Variants in DOCK10 observed in about 807,000 individuals in gnomAD.
The protein encoded by DOCK10 is dedicator of cytokinesis protein 10.
A neutral mutation model predicts 280.1 loss-of-function variants in DOCK10; 145 were observed. That is an observed-to-expected ratio of 0.52 (90% CI 0.45 to 0.59). The LOEUF (loss-of-function observed/expected upper bound fraction) is 0.59. Among genes scored for constraint, DOCK10 ranks in the 20% least tolerant of loss-of-function variants. DOCK10 has a pLI of 0.00. For synonymous variants in DOCK10, 915 were observed against 942.2 expected, an observed-to-expected ratio of 0.97 and a Z score of 0.53; for missense variants, 2,368 against 2,651.7, an observed-to-expected ratio of 0.89 and a Z score of 2.35.
chr2:224,857,384 C>T (rs139247495), intron 14 of DOCK10, among the ~76,000 whole-genome samples: 32 of 152,214 alleles, frequency 2.1e-4, no homozygotes, highest in Admixed American at 1.5e-3. Flanking sequence ...CTAGGATTTA[C>T]GAGTGGTGGA....
intron 29 of DOCK10, among the ~76,000 whole-genome samples, chr2:224,818,207 A>G (rs1326796620): frequency 1.3e-5 from 2 of 152,148 alleles, no homozygotes; most frequent in Admixed American, 6.5e-5. Flanking sequence ...CATATATACA[A>G]TGGTGGTTCC....
At chr2:224,771,179 C>G (rs1690418899) in intron 53 of DOCK10, among the ~76,000 whole-genome samples, 1 of 152,120 alleles carries the variant, frequency 6.6e-6, no homozygotes, top group Admixed American at 6.5e-5. Flanking sequence ...AACTCTTGGC[C>G]TCAAGCAATC....
intron 3 of DOCK10, 95 bp from the exon 4 acceptor site, chr2:224,896,472 T>A (rs1007369993): frequency 1.4e-6 from 1 of 708,200 alleles, no homozygotes; most frequent in South Asian, 2.1e-5. Flanking sequence ...ACTTTGAGAG[T>A]CTGAGGCGGG....
intron 1 of DOCK10, among the ~76,000 whole-genome samples, chr2:224,966,649 G>C (rs1704759233): frequency 1.3e-5 from 2 of 152,136 alleles, no homozygotes; most frequent in Admixed American, 1.3e-4. Context: ...AACCTCAGTT[G>C]TTATCACACA....
intron 1 of DOCK10, chr2:224,982,392 A>G: frequency 8.1e-7 from 1 of 1,231,688 alleles, no homozygotes; most frequent in Non-Finnish European, 1.0e-6. Context: ...AGCCTACAAA[A>G]TAACTTCTAT....
intron 47 of DOCK10, among the ~76,000 whole-genome samples, chr2:224,791,553 C>G (rs561579898): frequency 1.3e-5 from 2 of 151,922 alleles, no homozygotes; most frequent in African/African-American, 4.8e-5. Flanking sequence ...CAACCTCCAC[C>G]TCCTGGGTTC....
At chr2:224,910,299 ACT>A (rs1308389142) in intron 3 of DOCK10, among the ~76,000 whole-genome samples, 1 of 152,198 alleles carries the variant, frequency 6.6e-6, no homozygotes, top group Non-Finnish European at 1.5e-5. Context: ...TGGCCCACTG[ACT>A]GTATGCATCA....
At chr2:224,947,344 C>G (rs1466375181) in intron 1 of DOCK10, among the ~76,000 whole-genome samples, 1 of 152,176 alleles carries the variant, frequency 6.6e-6, no homozygotes, top group African/African-American at 2.4e-5. Context: ...AACAGCCACC[C>G]AAACTTTATA....
chr2:224,876,328 A>G, intron 7 of DOCK10, 107 bp from the exon 8 acceptor site: 1 of 989,738 alleles, frequency 1.0e-6, no homozygotes, highest in Non-Finnish European at 1.4e-6. Flanking sequence ...CCATACAGAT[A>G]GATAACATAA....
At chr2:224,958,978 C>A (rs1311827551) in intron 1 of DOCK10, among the ~76,000 whole-genome samples, 1 of 152,184 alleles carries the variant, frequency 6.6e-6, no homozygotes. Context: ...GCAAGGGTAT[C>A]ATAGATTGGG....
intron 1 of DOCK10, among the ~76,000 whole-genome samples, chr2:224,961,412 C>CTCTTTCTTTCTTTTTCTT (rs1704391891): frequency 1.7e-5 from 2 of 119,382 alleles, no homozygotes; most frequent in Non-Finnish European, 3.4e-5. Context: ...TTCTTTCTTT[C>CTCTTTCTTTCTTTTTCTT]TCTTTCTTTC....
intron 2 of DOCK10, among the ~76,000 whole-genome samples, chr2:224,919,347 T>G: frequency 6.7e-6 from 1 of 148,570 alleles, no homozygotes; most frequent in African/African-American, 2.5e-5. Context: ...GTGGTATGAG[T>G]ATGTGTGATG....
intron 1 of DOCK10, among the ~76,000 whole-genome samples, chr2:224,966,551 A>G (rs958216477): frequency 1.3e-5 from 2 of 152,244 alleles, no homozygotes; most frequent in African/African-American, 4.8e-5. Flanking sequence ...ATTTTCTAGA[A>G]ATCTCAAGTC....
intron 4 of DOCK10, among the ~76,000 whole-genome samples, chr2:224,889,027 T>C (rs573842047): frequency 6.6e-6 from 1 of 152,300 alleles, no homozygotes; most frequent in Admixed American, 6.5e-5. Context: ...TAGGATCTCA[T>C]TTATATGTGG....
At chr2:224,924,290 A>G (rs919551598) in intron 2 of DOCK10, among the ~76,000 whole-genome samples, 1 of 152,226 alleles carries the variant, frequency 6.6e-6, no homozygotes, top group African/African-American at 2.4e-5. Context: ...AACCATTACC[A>G]CGATTTAATT....
rs1425432821 is a variant in DOCK10, at chr2:224,862,646, C to T, written c.1685+18G>A. 1.2e-6 allele frequency: 2 copies of T among 1,603,796 alleles called. No homozygotes were observed. Among genetic ancestry groups the T allele is most frequent in the Non-Finnish European group, 1.7e-6 (2 of 1,171,056 alleles). ...ATTAAATGTATTTCTAGTCTGTTGGCTGCAACTGTCAACATACCTTACTGC... is the reference window on the plus strand; with the variant it reads ...ATTAAATGTATTTCTAGTCTGTTGGTTGCAACTGTCAACATACCTTACTGC... On this transcript the variant is annotated intron_variant, in intron 14 of 55. Transcript: ENST00000258390.
In DOCK10 at chr2:224,870,656, T is replaced by C. The variant is rs1000279166; in HGVS notation, c.1257+3340A>G. On this transcript the variant is annotated intron_variant, in intron 11 of 55. Transcript: ENST00000258390. ...TCCCAACAGCCATCCCTGTTTAGTCTTCTTTGGTCACTTCTCTATTCATTC... is the reference window on the plus strand; with the variant it reads ...TCCCAACAGCCATCCCTGTTTAGTCCTCTTTGGTCACTTCTCTATTCATTC... Among the ~76,000 whole-genome samples the C allele has an allele frequency of 2.6e-5, 4 of 152,206 alleles. No homozygotes were observed. The South Asian group carries it at 8.3e-4, about 32-fold the overall frequency.
intron 11 of DOCK10, among the ~76,000 whole-genome samples, chr2:224,870,878 G>C (rs1266775576): frequency 7.2e-6 from 1 of 138,376 alleles, no homozygotes; most frequent in Non-Finnish European, 1.5e-5. Flanking sequence ...CCAGGCTGGA[G>C]TGCAGTGGCA....
intron 11 of DOCK10, among the ~76,000 whole-genome samples, chr2:224,868,216 G>A (rs1698052789): frequency 6.6e-6 from 1 of 152,118 alleles, no homozygotes; most frequent in African/African-American, 2.4e-5. Context: ...TTTAAATGTT[G>A]CCAGAGTATC....
Sources: allele counts gnomAD v4.1 joint callset (sites outside exome capture counted in the v4.1 genomes callset), GRCh38; gene constraint gnomAD v4.1.1; transcripts MANE v1.5; gene names NCBI Gene and HGNC (gene_info 2026-07-23, HGNC 2026-07-21).